The following SAXO1 variants were observed in gnomAD, a reference collection of about 807,000 sequenced individuals.
SAXO1 encodes the protein stabilizer of axonemal microtubules 1.
A neutral mutation model predicts 17.5 loss-of-function variants in SAXO1; 21 were observed. The observed-to-expected ratio is 1.20, with a 90% CI of 0.85 to 1.72. SAXO1 has a LOEUF of 1.72. Among genes scored for constraint, SAXO1 ranks in the 40% most tolerant of loss-of-function variants. The pLI, the probability that SAXO1 is intolerant of heterozygous loss-of-function variation, is 0.00. For missense variants in SAXO1, 843 were observed against 596.0 expected (o/e 1.41, Z -4.32); for synonymous variants, 274 against 216.5 (o/e 1.27, Z -2.33).
intron 1 of SAXO1, among the ~76,000 whole-genome samples, chr9:19,042,378 GT>G (rs1836097862): frequency 6.6e-6 from 1 of 152,206 alleles, no homozygotes; most frequent in Non-Finnish European, 1.5e-5. Flanking sequence ...ATGGGGAACA[GT>G]TTAGAAGTTC....
intron 1 of SAXO1, among the ~76,000 whole-genome samples, chr9:19,012,283 C>T (rs1441318037): frequency 1.3e-5 from 2 of 152,236 alleles, no homozygotes; most frequent in African/African-American, 4.8e-5. Context: ...ATACCACTTA[C>T]CATCTGGGGG....
chr9:19,037,353 T>C (rs1588573453), upstream of SAXO1, among the ~76,000 whole-genome samples: 2 of 152,194 alleles, frequency 1.3e-5, no homozygotes, highest in East Asian at 3.9e-4. Flanking sequence ...GGACCAGGGG[T>C]GAAACTATAT....
chr9:19,017,207 G>C (rs1489915730), intron 1 of SAXO1, among the ~76,000 whole-genome samples: 1 of 152,076 alleles, frequency 6.6e-6, no homozygotes, highest in Admixed American at 6.6e-5. Context: ...AAGATCAATT[G>C]ATGCCAAAAA....
Position 19,027,586 on chromosome 9 carries a change from G to T in SAXO1, c.38+5285C>A, listed in dbSNP as rs554455428. 2.7e-5 allele frequency: 38 copies of T among 1,412,144 alleles called. No individual in the cohort carries two copies. The African/African-American group carries it at 5.2e-4, about 19-fold the overall frequency. The allele number at this position is 1,412,144 out of a possible 1,614,324, so 87.5% of individuals were successfully genotyped here. On this transcript the variant is annotated intron_variant, in intron 1 of 3. Transcript: ENST00000380534. ...AGACTAAGGCCACCTTCCTAAAGCTGACTGGCCCCCAGCTGGTGCAGATGT... is the reference window on the plus strand; with the variant it reads ...AGACTAAGGCCACCTTCCTAAAGCTTACTGGCCCCCAGCTGGTGCAGATGT...
intron 1 of SAXO1, among the ~76,000 whole-genome samples, chr9:18,956,124 T>C (rs1215071675): frequency 6.6e-6 from 1 of 150,506 alleles, no homozygotes; most frequent in Non-Finnish European, 1.5e-5. Flanking sequence ...TTTTTTTTTT[T>C]TTTTTTTGTA....
intron 1 of SAXO1, among the ~76,000 whole-genome samples, chr9:18,952,632 T>C (rs1304851216): frequency 6.6e-6 from 1 of 152,200 alleles, no homozygotes; most frequent in Non-Finnish European, 1.5e-5. Context: ...AGAAATGCCT[T>C]AAGAAGGCAT....
intron 1 of SAXO1, among the ~76,000 whole-genome samples, chr9:18,983,906 G>T (rs962825569): frequency 4.6e-5 from 7 of 152,216 alleles, no homozygotes; most frequent in African/African-American, 1.7e-4. Flanking sequence ...CTTGTTAGGA[G>T]TTAACCACAT....
chr9:18,972,692 C>T (rs569882819), intron 1 of SAXO1, among the ~76,000 whole-genome samples: 19 of 152,344 alleles, frequency 1.2e-4, no homozygotes, highest in Admixed American at 2.6e-4. Flanking sequence ...AACTCTTAGG[C>T]TCTAAGAAGC....
At chr9:18,983,991 AG>A (rs1452416452) in intron 1 of SAXO1, among the ~76,000 whole-genome samples, 22 of 152,236 alleles carry the variant, frequency 1.4e-4, no homozygotes, top group East Asian at 3.8e-4. Flanking sequence ...TTTTTGACCC[AG>A]GGCTGAAGAA....
intron 1 of SAXO1, among the ~76,000 whole-genome samples, chr9:18,981,369 G>A (rs1287565939): frequency 2.0e-5 from 3 of 152,180 alleles, no homozygotes; most frequent in African/African-American, 4.8e-5. Flanking sequence ...TGAGGCAAGT[G>A]ATTTATCTAA....
intron 1 of SAXO1, among the ~76,000 whole-genome samples, chr9:18,999,963 C>T (rs1679027184): frequency 6.9e-6 from 1 of 145,190 alleles, no homozygotes; most frequent in African/African-American, 2.6e-5. Context: ...AGTGCCTCTA[C>T]CCAGCCGCCC....
At chr9:18,938,759 T>C (rs1588409042) in intron 3 of SAXO1, among the ~76,000 whole-genome samples, 2 of 151,080 alleles carry the variant, frequency 1.3e-5, no homozygotes, top group Non-Finnish European at 3.0e-5. Context: ...CAGGGGAAAA[T>C]GGCAGTGAAA....
At chr9:19,030,662 C>T (rs558215243) in intron 1 of SAXO1, among the ~76,000 whole-genome samples, 5 of 151,170 alleles carry the variant, frequency 3.3e-5, no homozygotes, top group East Asian at 1.9e-4. Flanking sequence ...GCAGAGATCG[C>T]GCCACTGCAC....
chr9:19,005,244 A>T (rs1407251776), intron 1 of SAXO1, among the ~76,000 whole-genome samples: 2 of 152,200 alleles, frequency 1.3e-5, no homozygotes, highest in African/African-American at 2.4e-5. Flanking sequence ...GCCCTATCAA[A>T]ATCTGTGGCC....
At chr9:18,929,215 G>C (rs1342072666) in intron 3 of SAXO1, among the ~76,000 whole-genome samples, 160 bp from the exon 4 acceptor site, 1 of 152,212 alleles carries the variant, frequency 6.6e-6, no homozygotes, top group Non-Finnish European at 1.5e-5. Flanking sequence ...TCAAACACCT[G>C]ATGTGTCAAC....
At chr9:18,937,409 G>A (rs775862703) in intron 3 of SAXO1, among the ~76,000 whole-genome samples, 1 of 152,160 alleles carries the variant, frequency 6.6e-6, no homozygotes, top group Non-Finnish European at 1.5e-5. Context: ...GTCATTCCCT[G>A]TGTTCGATGC....
chr9:18,979,428 A>G (rs534010197), intron 1 of SAXO1, among the ~76,000 whole-genome samples: 2 of 152,346 alleles, frequency 1.3e-5, no homozygotes, highest in East Asian at 3.9e-4. Context: ...TTTACACCTC[A>G]GTCATGACTG....
chr9:19,000,940 A>G (rs1010479855), intron 1 of SAXO1, among the ~76,000 whole-genome samples: 2 of 151,938 alleles, frequency 1.3e-5, no homozygotes, highest in African/African-American at 4.8e-5. Flanking sequence ...TCATAAAGCA[A>G]GTTCTTAGAG....
chr9:18,941,243 T>C (rs1388211135), intron 3 of SAXO1, among the ~76,000 whole-genome samples: 1 of 152,132 alleles, frequency 6.6e-6, no homozygotes, highest in African/African-American at 2.4e-5. Context: ...AAGAGCCAGG[T>C]ATTAAGTGTC....
Sources: allele counts gnomAD v4.1 joint callset (sites outside exome capture counted in the v4.1 genomes callset), GRCh38; gene constraint gnomAD v4.1.1; transcripts MANE v1.5; gene names NCBI Gene and HGNC (gene_info 2026-07-23, HGNC 2026-07-21).